The following CDYL2 variants were observed in gnomAD, a reference collection of about 807,000 sequenced individuals.
The protein encoded by CDYL2 is chromodomain Y-like protein 2.
In CDYL2, 23 loss-of-function variants were observed where a neutral mutation model predicts 49.4. The ratio of observed to expected loss-of-function variants is 0.47; its 90% CI spans 0.34 to 0.66. The LOEUF is 0.66. CDYL2 is among the 30% of genes least tolerant of loss of function. CDYL2 has a pLI of 0.01. For missense variants in CDYL2, 678 were observed against 656.4 expected (o/e 1.03, Z -0.36); for synonymous variants, 360 against 268.8 (o/e 1.34, Z -3.32).
intron 1 of CDYL2, among the ~76,000 whole-genome samples, chr16:80,721,894 C>A (rs1420211243): frequency 6.6e-6 from 1 of 152,154 alleles, no homozygotes; most frequent in Non-Finnish European, 1.5e-5. Context: ...ACCTGCTGGG[C>A]TGCAAATTCA....
At chr16:80,763,456 A>G (rs977060808) in intron 1 of CDYL2, among the ~76,000 whole-genome samples, 2 of 146,500 alleles carry the variant, frequency 1.4e-5, no homozygotes, top group African/African-American at 5.0e-5. Context: ...AGACAAAAAC[A>G]AAAAAAAAAG....
At chr16:80,702,598 AAATTAG>A (rs1904308149) in intron 1 of CDYL2, among the ~76,000 whole-genome samples, 1 of 152,046 alleles carries the variant, frequency 6.6e-6, no homozygotes, top group African/African-American at 2.4e-5. Flanking sequence ...AAAAATTTAA[AAATTAG>A]CTGGGTGTGG....
chr16:80,636,748 G>A (rs932528876), intron 2 of CDYL2, among the ~76,000 whole-genome samples: 2 of 152,158 alleles, frequency 1.3e-5, no homozygotes, highest in African/African-American at 4.8e-5. Flanking sequence ...GAAGACACAT[G>A]CACACGTATG....
At chr16:80,761,961 G>A (rs375204905) in intron 1 of CDYL2, among the ~76,000 whole-genome samples, 1 of 151,274 alleles carries the variant, frequency 6.6e-6, no homozygotes, top group African/African-American at 2.4e-5. Context: ...CAAGGCAGGA[G>A]GATTGTTTGA....
intron 3 of CDYL2, among the ~76,000 whole-genome samples, chr16:80,622,804 CTG>C (rs540348734): frequency 1.5e-3 from 223 of 152,300 alleles, no homozygotes; most frequent in African/African-American, 4.8e-3. Context: ...TGAAAGCTAA[CTG>C]TGTTTGCGCT....
chr16:80,653,791 G>T (rs952167494), intron 2 of CDYL2, among the ~76,000 whole-genome samples: 2 of 152,214 alleles, frequency 1.3e-5, no homozygotes, highest in African/African-American at 4.8e-5. Flanking sequence ...AGGTGATTCA[G>T]ACATGCAGGC....
Position 80,804,188 on chromosome 16 carries a change from C to T in CDYL2, c.-15G>A. ...CCAGAAGCCATGCCAGGCTGCGGAA[C>T]TTGGCTCGCCGGTGTGCGCGTCTGC... On this transcript the variant is annotated 5_prime_UTR_variant, in exon 1 of 7. Coordinates refer to ENST00000570137, the MANE Select transcript of CDYL2 (RefSeq NM_152342.4). The T allele has an allele frequency of 7.5e-7, 1 of 1,329,120 alleles. No individual in the cohort carries two copies. The highest frequency in any genetic ancestry group is 9.9e-7 in the Non-Finnish European group (1 of 1,011,340). 82.3% of individuals were successfully genotyped at this position (1,329,120 alleles called of 1,614,324 possible).
chr16:80,717,188 T>A (rs1332316909), intron 1 of CDYL2, among the ~76,000 whole-genome samples: 1 of 151,046 alleles, frequency 6.6e-6, no homozygotes, highest in Admixed American at 6.6e-5. Context: ...GATGGATGGA[T>A]GGAGACAGCC....
In CDYL2 at chr16:80,751,716, T is replaced by C. The variant is rs138919437; in HGVS notation, c.24+52434A>G. ...AGCTTACTTTTCAGAAGGTTCAAAG[T>C]GCTGAGGAAATGAATTTTGGAACTC... On this transcript the variant is annotated intron_variant, in intron 1 of 6. Transcript: ENST00000570137. 8.2e-3 allele frequency among the ~76,000 whole-genome samples: 1,246 copies of C among 152,286 alleles called. 13 individuals are homozygous for C. The highest frequency in any genetic ancestry group is 0.01 in the Non-Finnish European group (690 of 68,030).
At chr16:80,752,532 C>T (rs1906171916) in intron 1 of CDYL2, among the ~76,000 whole-genome samples, 1 of 152,118 alleles carries the variant, frequency 6.6e-6, no homozygotes, top group Non-Finnish European at 1.5e-5. Context: ...GTCACATTAT[C>T]TTTAGAAAAG....
At chr16:80,673,001 A>T (rs929228896) in intron 2 of CDYL2, among the ~76,000 whole-genome samples, 1 of 152,146 alleles carries the variant, frequency 6.6e-6, no homozygotes, top group Non-Finnish European at 1.5e-5. Flanking sequence ...TTGTAGGAGG[A>T]GCTGCTTGCT....
At chr16:80,666,296 A>G (rs929823382) in intron 2 of CDYL2, among the ~76,000 whole-genome samples, 30 of 152,272 alleles carry the variant, frequency 2.0e-4, no homozygotes, top group African/African-American at 6.5e-4. Flanking sequence ...AAATCTTACA[A>G]TACTTCCTGT....
chr16:80,781,681 G>C (rs1008448695), intron 1 of CDYL2, among the ~76,000 whole-genome samples: 8 of 152,074 alleles, frequency 5.3e-5, no homozygotes, highest in African/African-American at 1.9e-4. Flanking sequence ...GAAAAAAAAG[G>C]AAATCATACA....
At chr16:80,721,219 C>A (rs543141012) in intron 1 of CDYL2, among the ~76,000 whole-genome samples, 27 of 152,316 alleles carry the variant, frequency 1.8e-4, no homozygotes, top group African/African-American at 6.5e-4. Flanking sequence ...TGTTTGCTGT[C>A]TGCACATGTT....
At chr16:80,781,785 G>C (rs970518537) in intron 1 of CDYL2, among the ~76,000 whole-genome samples, 3 of 152,122 alleles carry the variant, frequency 2.0e-5, no homozygotes, top group African/African-American at 4.8e-5. Flanking sequence ...AAATGGCACT[G>C]TATTAAAACA....
chr16:80,703,376 G>A (rs140161458), intron 1 of CDYL2, among the ~76,000 whole-genome samples: 2 of 152,224 alleles, frequency 1.3e-5, no homozygotes, highest in Non-Finnish European at 2.9e-5. Flanking sequence ...CTTGTCACAT[G>A]GTAGAGGTAC....
intron 5 of CDYL2, among the ~76,000 whole-genome samples, chr16:80,608,446 C>T (rs1387750965): frequency 1.3e-5 from 2 of 152,134 alleles, no homozygotes; most frequent in Admixed American, 1.3e-4. Context: ...CATTAAATTC[C>T]CCAAAGGAGC....
At chr16:80,658,597 G>C (rs1908907723) in intron 2 of CDYL2, among the ~76,000 whole-genome samples, 1 of 152,150 alleles carries the variant, frequency 6.6e-6, no homozygotes, top group South Asian at 2.1e-4. Context: ...ACAAATATGG[G>C]ATGCAGAGAG....
chr16:80,670,385 A>C (rs1428477661), intron 2 of CDYL2, among the ~76,000 whole-genome samples: 1 of 152,106 alleles, frequency 6.6e-6, no homozygotes, highest in Non-Finnish European at 1.5e-5. Flanking sequence ...GTTGCTCAGC[A>C]CTTCTCCTTG....
Sources: allele counts gnomAD v4.1 joint callset (sites outside exome capture counted in the v4.1 genomes callset), GRCh38; gene constraint gnomAD v4.1.1; transcripts MANE v1.5; gene names NCBI Gene and HGNC (gene_info 2026-07-23, HGNC 2026-07-21).